RIPPLY3: variants seen among roughly 807,000 people sequenced by gnomAD.
The protein encoded by RIPPLY3 is ripply transcriptional repressor 3.
In RIPPLY3, 8 loss-of-function variants were observed where a neutral mutation model predicts 11.9. The ratio of observed to expected loss-of-function variants is 0.67; its 90% confidence interval spans 0.40 to 1.21. The LOEUF is 1.21. Ranked by LOEUF, RIPPLY3 falls within the 50% of genes most tolerant of loss-of-function variation. The probability of loss-of-function intolerance (pLI) is 0.01; values close to 1 mark genes in which losing one functional copy is unlikely to be tolerated. For synonymous variants in RIPPLY3, 102 were observed against 99.0 expected (o/e 1.03, Z -0.18); for missense variants, 271 against 246.0 (o/e 1.10, Z -0.68).
Position 37,018,164 on chromosome 21 carries a change from A to G in RIPPLY3, c.530A>G (p.Gln177Arg), listed in dbSNP as rs1472266144. The change falls in exon 4 of 4, where the codon CAA becomes CGA. Residue 177 changes from glutamine (Q) to arginine (R), a missense_variant. Coordinates refer to ENST00000329553, the MANE Select transcript of RIPPLY3 (RefSeq NM_018962.3). Reference sequence around the variant, plus strand: ...CACTGGGGGGAGGGTCCGCTCCCTCAAGGTGTCTCCTCAAGGGGTGGCAAG... The same window carrying G: ...CACTGGGGGGAGGGTCCGCTCCCTCGAGGTGTCTCCTCAAGGGGTGGCAAG... ...GDHWGEGPLP[Q>R]GVSSRGGKCS... The G allele has an allele frequency of 6.2e-7, 1 of 1,613,966 alleles. No homozygotes were observed. The highest frequency in any genetic ancestry group is 1.1e-5 in the South Asian group (1 of 91,076).
intron 3 of RIPPLY3, among the ~76,000 whole-genome samples, chr21:37,016,839 AAAAG>A (rs1372235612): frequency 1.3e-5 from 2 of 151,916 alleles, no homozygotes; most frequent in Non-Finnish European, 1.5e-5. Flanking sequence ...TCAAAAACAA[AAAAG>A]AAAGAAAGTA....
intron 2 of RIPPLY3, among the ~76,000 whole-genome samples, chr21:37,010,124 C>T (rs913738414): frequency 7.2e-5 from 11 of 152,334 alleles, no homozygotes; most frequent in Non-Finnish European, 1.6e-4. Flanking sequence ...ATGCCATTGG[C>T]TGGAGTGGCG....
intron 2 of RIPPLY3, among the ~76,000 whole-genome samples, chr21:37,012,795 G>T (rs1364798916): frequency 6.6e-6 from 1 of 151,796 alleles, no homozygotes; most frequent in Non-Finnish European, 1.5e-5. Context: ...CCATCACAGG[G>T]TCTCACTTGT....
chr21:37,015,500 G>A (rs1272297406), intron 3 of RIPPLY3, among the ~76,000 whole-genome samples: 1 of 152,098 alleles, frequency 6.6e-6, no homozygotes, highest in African/African-American at 2.4e-5. Flanking sequence ...AAAATGCTGT[G>A]ACTGACAAAG....
In RIPPLY3 at chr21:37,018,089, G is replaced by T; in HGVS notation, c.455G>T (p.Gly152Val). The T allele has an allele frequency of 6.2e-7, 1 of 1,614,098 alleles. No individual in the cohort carries two copies. The highest frequency in any genetic ancestry group is 8.5e-7 in the Non-Finnish European group (1 of 1,180,004). The change falls in exon 4 of 4, where the codon GGC becomes GTC. Residue 152 changes from glycine to valine, a missense_variant. By Grantham distance (109) the Gly-to-Val change is moderately radical. Transcript: ENST00000329553. ...GRQENGPGGKGRDQGINQGQR... is the reference protein window; with the variant it reads ...GRQENGPGGKVRDQGINQGQR... ...CAGGAAAATGGCCCAGGGGGAAAGG[G>T]CAGAGACCAGGGCATCAACCAAGGG...
At chr21:37,014,979 C>T (rs1338000682) in intron 3 of RIPPLY3, among the ~76,000 whole-genome samples, 2 of 152,144 alleles carry the variant, frequency 1.3e-5, no homozygotes, top group African/African-American at 2.4e-5. Context: ...CCTCTTCCCT[C>T]GGCCTCCCAA....
intron 3 of RIPPLY3, among the ~76,000 whole-genome samples, chr21:37,015,106 A>T (rs1470294541): frequency 6.6e-6 from 1 of 151,998 alleles, no homozygotes; most frequent in Non-Finnish European, 1.5e-5. Flanking sequence ...TCTCCCAGGC[A>T]CTCGGATTCG....
chr21:37,008,183 A>T lies in RIPPLY3; in HGVS notation c.131A>T (p.Gln44Leu). The T allele has an allele frequency of 6.2e-7, 1 of 1,614,142 alleles. No individual in the cohort carries two copies. Among genetic ancestry groups the T allele is most frequent in the Non-Finnish European group, 8.5e-7 (1 of 1,179,998 alleles). The change falls in exon 2 of 4, where the codon CAG becomes CTG. Residue 44 changes from glutamine (Q) to leucine (L), a missense_variant. Physicochemically the swap from Gln to Leu is moderately radical, Grantham distance 113 (BLOSUM62 -2). Coordinates refer to ENST00000329553, the MANE Select transcript of RIPPLY3 (RefSeq NM_018962.3). ...CCCGCGCCGTGGCGACCTTGGATCC[A>T]GACACCTGGAGATGCTGAGCTGACC... ...ESPAPWRPWI[Q>L]TPGDAELTRT...
chr21:37,008,338 A>G, intron 2 of RIPPLY3, 115 bp downstream of exon 2: 1 of 1,057,394 alleles, frequency 9.5e-7, no homozygotes. Context: ...TGGGCGTCTA[A>G]CCCAGGAGCG....
intron 2 of RIPPLY3, among the ~76,000 whole-genome samples, chr21:37,013,228 G>A (rs1026505775): frequency 6.6e-6 from 1 of 152,142 alleles, no homozygotes; most frequent in Non-Finnish European, 1.5e-5. Context: ...TTCATGCTTA[G>A]AATCATGGGT....
At position 37,017,845 on chromosome 21, in the gene RIPPLY3, T is replaced by C. The variant is rs764111524; in HGVS notation, c.240-29T>C. The C allele has an allele frequency of 1.9e-5, 30 of 1,560,998 alleles. 1 individual carries two copies. The South Asian group carries it at 3.6e-4, about 19-fold the overall frequency. On this transcript the variant is annotated intron_variant, in intron 3 of 3. Transcript: ENST00000329553. ...AATTTAGGACGAGGTTCAGGTTGAT[T>C]AATGGTATATTTGTTTCTTAAATAT...
At chr21:37,012,701 TC>T (rs879720434) in intron 2 of RIPPLY3, among the ~76,000 whole-genome samples, 11 of 152,046 alleles carry the variant, frequency 7.2e-5, no homozygotes, top group Non-Finnish European at 1.5e-4. Context: ...GACTCAAAAA[TC>T]CATCTCCAGT....
intron 2 of RIPPLY3, among the ~76,000 whole-genome samples, chr21:37,010,267 G>A (rs555175909): frequency 1.3e-5 from 2 of 152,064 alleles, no homozygotes; most frequent in African/African-American, 2.4e-5. Flanking sequence ...CGAGGCGGTC[G>A]GATCATCTGA....
intron 3 of RIPPLY3, among the ~76,000 whole-genome samples, chr21:37,014,363 C>T (rs1569287018): frequency 6.6e-6 from 1 of 152,030 alleles, no homozygotes; most frequent in African/African-American, 2.4e-5. Flanking sequence ...GTCTCCAGCA[C>T]AGTGGGTGCC....
At chr21:37,006,487 C>A (rs2146770401), upstream of RIPPLY3, 2 of 297,278 alleles carry the variant, frequency 6.7e-6, no homozygotes, top group East Asian at 1.1e-4. The surrounding 1 kb of genome is among the most constrained non-coding windows in gnomAD (Gnocchi z 5.2). Context: ...GGCGCCACCT[C>A]CTTGAGCTTT....
intron 3 of RIPPLY3, 60 bp from the exon 4 acceptor site, chr21:37,017,814 A>G (rs1244090524): frequency 9.7e-6 from 14 of 1,435,940 alleles, no homozygotes; most frequent in Non-Finnish European, 1.2e-5. Context: ...AGCACCCTCT[A>G]GAAGCAATTT....
rs2146777192 is a variant in RIPPLY3, at chr21:37,013,591, G to C, written c.212G>C (p.Gly71Ala). 1.2e-6 allele frequency: 2 copies of C among 1,613,760 alleles called. No individual in the cohort carries two copies. The highest frequency in any genetic ancestry group is 4.5e-5 in the East Asian group (2 of 44,860). The change falls in exon 3 of 4, where the codon GGA (glycine) becomes GCA (alanine). Residue 71 changes from glycine (G) to alanine (A), a missense_variant. Coordinates refer to ENST00000329553, the MANE Select transcript of RIPPLY3 (RefSeq NM_018962.3). ...GACCAACACACTTTTGGATCAAAGG[G>C]AGCCTTTGGGTTTCAGCATCCTGTA... is the stretch of plus-strand genomic sequence containing the variant. Reference protein sequence around the residue: ...RADQHTFGSKGAFGFQHPVRV... With the variant: ...RADQHTFGSKAAFGFQHPVRV...
intron 1 of RIPPLY3, 104 bp from the exon 2 acceptor site, chr21:37,008,053 C>T (rs2069483177): frequency 1.6e-6 from 2 of 1,232,934 alleles, no homozygotes; most frequent in Non-Finnish European, 2.3e-6. Flanking sequence ...GGTCCGGTGC[C>T]TCTTTTTCAG....
At chr21:37,007,969 G>A (rs1383186655) in intron 1 of RIPPLY3, among the ~76,000 whole-genome samples, 188 bp from the exon 2 acceptor site, 2 of 152,176 alleles carry the variant, frequency 1.3e-5, no homozygotes, top group African/African-American at 2.4e-5. Flanking sequence ...AACTGGGGAC[G>A]TAGCAGGAGA....
Sources: allele counts gnomAD v4.1 joint callset (sites outside exome capture counted in the v4.1 genomes callset), GRCh38; gene constraint gnomAD v4.1.1; non-coding constraint Gnocchi (gnomAD v3.1); transcripts MANE v1.5; gene names NCBI Gene and HGNC (gene_info 2026-07-23, HGNC 2026-07-21).